ADGRF5: variants seen among roughly 807,000 people sequenced by gnomAD.
ADGRF5 encodes the protein G-protein coupled receptor 116.
In ADGRF5, 75 loss-of-function variants were observed where a neutral mutation model predicts 132.3. The ratio of observed to expected loss-of-function variants is 0.57; its 90% confidence interval spans 0.47 to 0.69. ADGRF5 has a LOEUF of 0.69. Ranked by LOEUF, ADGRF5 falls within the 30% of genes least tolerant of loss-of-function variation. ADGRF5 has a pLI of 0.00. For synonymous variants in ADGRF5, 629 were observed against 597.6 expected (o/e 1.05, Z -0.77); for missense variants, 1,516 against 1,630.6 (o/e 0.93, Z 1.21).
At chr6:46,946,441 C>T (rs1258956844) in intron 1 of ADGRF5, among the ~76,000 whole-genome samples, 1 of 152,138 alleles carries the variant, frequency 6.6e-6, no homozygotes, top group Non-Finnish European at 1.5e-5. Context: ...GATGTGAAGA[C>T]GTGAATCGCC....
chr6:46,946,502 G>A (rs1240225236), intron 1 of ADGRF5, among the ~76,000 whole-genome samples: 2 of 152,150 alleles, frequency 1.3e-5, no homozygotes, highest in Non-Finnish European at 2.9e-5. Flanking sequence ...TGGAAGTGCA[G>A]CTGAGGAAAA....
rs1293656517 is a variant in ADGRF5 at position 46,941,413 on chromosome 6, AAAGAAAAGAAAAG to A, written c.-25+13308_-25+13320del. 6.3e-4 allele frequency among the ~76,000 whole-genome samples: 26 copies of A among 41,400 alleles called. No homozygotes were observed. In the East Asian group the frequency reaches 0.014, roughly 22 times the overall value. The allele number at this position is 41,400 out of a possible 152,430, so 27.2% of individuals were successfully genotyped here. On this transcript the variant is annotated intron_variant, in intron 1 of 20. Coordinates refer to the ADGRF5 transcript ENST00000265417. ...AAAGAAAAGAAAAGAAAAGAAAAGA[AAAGAAAAGAAAAG>A]AAAAGAAAAGAAAAGAAAAGAAAAG...
intron 11 of ADGRF5, among the ~76,000 whole-genome samples, chr6:46,870,263 A>C (rs220681): frequency 0.84 from 127,180 of 152,096 alleles, 54,970 homozygotes; most frequent in East Asian, 0.99. Flanking sequence ...ATTGATCCTC[A>C]TGCTTCAGCC....
intron 1 of ADGRF5, among the ~76,000 whole-genome samples, chr6:46,927,318 G>A (rs1256874680): frequency 6.8e-6 from 1 of 146,998 alleles, no homozygotes; most frequent in Non-Finnish European, 1.5e-5. Flanking sequence ...GTGGAGGGGG[G>A]TGGGCAGAGC....
At chr6:46,954,586 TCA>T in intron 1 of ADGRF5, 1 of 152,180 alleles carries the variant, frequency 6.6e-6, no homozygotes, top group East Asian at 1.9e-4. Context: ...TATTTGCCCC[TCA>T]CAGTCTTGTA....
intron 1 of ADGRF5, among the ~76,000 whole-genome samples, chr6:46,953,760 T>C (rs544026498): frequency 3.2e-4 from 47 of 144,854 alleles, no homozygotes; most frequent in African/African-American, 1.2e-3. Context: ...GAAGATAGAA[T>C]GGAGGGAGAC....
intron 4 of ADGRF5, 28 bp from the exon 5 acceptor site, chr6:46,884,299 G>C (rs1213538363): frequency 2.6e-6 from 4 of 1,525,124 alleles, no homozygotes; most frequent in Non-Finnish European, 9.0e-7. Flanking sequence ...AGCAAGGAGA[G>C]AGAAGGTGGA....
At chr6:46,905,357 A>G (rs1775229990) in intron 2 of ADGRF5, 1 of 152,228 alleles carries the variant, frequency 6.6e-6, no homozygotes, top group African/African-American at 2.4e-5. Context: ...AAAGAAATAA[A>G]GAAAAGACAA....
At chr6:46,950,282 T>C (rs1778449806) in intron 1 of ADGRF5, among the ~76,000 whole-genome samples, 1 of 152,170 alleles carries the variant, frequency 6.6e-6, no homozygotes, top group Admixed American at 6.5e-5. Context: ...TTCCACACAT[T>C]GAGCTGAAAT....
rs1771898391 is a variant in ADGRF5, at chr6:46,877,329, CTTTCT to C, written c.1240+868_1240+872del. On this transcript the variant is annotated intron_variant, in intron 10 of 20. Coordinates refer to ENST00000283296, the MANE Select transcript of ADGRF5 (RefSeq NM_001098518.2). The stretch of plus-strand genomic sequence containing the variant: ...TCTTTCCTTCCTTCCTTCCTTCTTT[CTTTCT>C]TTCTTTCTTTCTTTCTTTCTTTCTT... Among the ~76,000 whole-genome samples, 333 of 41,700 alleles carry C rather than the reference CTTTCT, an allele frequency of 8.0e-3. 5 individuals are homozygous for C. Among genetic ancestry groups the C allele is most frequent in the Middle Eastern group, 0.026 (3 of 114 alleles). The allele number at this position is 41,700 out of a possible 152,430, so 27.4% of individuals were successfully genotyped here.
chr6:46,888,441 T>A lies in ADGRF5; in HGVS notation c.222A>T (p.Ala74=). 1.2e-6 allele frequency: 2 copies of A among 1,612,242 alleles called. No individual in the cohort carries two copies. The highest frequency in any genetic ancestry group is 2.2e-5 in the South Asian group (2 of 91,048). ...AGGCTTTGATAGGATCCAGGAAGGA[T>A]GCATTTTCAAAACTGATCTCAATAT... is the stretch of plus-strand genomic sequence containing the variant. ...TVNIEISFEN[A]SFLDPIKAYL... The change falls in exon 4 of 21, where the codon GCA becomes GCT. Residue 74 remains alanine, a synonymous_variant. Coordinates refer to ENST00000283296, the MANE Select transcript of ADGRF5 (RefSeq NM_001098518.2).
At chr6:46,924,794 C>G (rs1777168337), upstream of ADGRF5, among the ~76,000 whole-genome samples, 1 of 152,228 alleles carries the variant, frequency 6.6e-6, no homozygotes, top group Non-Finnish European at 1.5e-5. Context: ...GATCAAAACC[C>G]TAAGAGTTAT....
chr6:46,898,317 G>C (rs1318884537), intron 3 of ADGRF5, among the ~76,000 whole-genome samples: 3 of 152,204 alleles, frequency 2.0e-5, no homozygotes, highest in Admixed American at 2.0e-4. Context: ...CTGGCCAGTA[G>C]TTTGATTTTA....
Position 46,869,335 on chromosome 6 carries a change from G to A in ADGRF5, c.1412-243C>T, listed in dbSNP as rs541957195. The A allele has an allele frequency of 1.5e-3, 1,503 of 985,202 alleles. 6 individuals carry two copies. Among genetic ancestry groups the A allele is most frequent in the South Asian group, 5.2e-3 (110 of 21,258 alleles). 61.0% of individuals were successfully genotyped at this position (985,202 alleles called of 1,614,324 possible). ...TTTCCATCACATGCCTTAGGACCTCGTGCACTTCACTTTTGTGGCTGGAAT... is the reference window on the plus strand; with the variant it reads ...TTTCCATCACATGCCTTAGGACCTCATGCACTTCACTTTTGTGGCTGGAAT... On this transcript the variant is annotated intron_variant, in intron 11 of 20. Transcript: ENST00000283296.
Position 46,869,073 on chromosome 6 carries a change from C to A in ADGRF5, c.1431G>T (p.Pro477=), listed in dbSNP as rs748771069. 1.4e-5 allele frequency: 22 copies of A among 1,613,548 alleles called. No homozygotes were observed. Among genetic ancestry groups the A allele is most frequent in the Non-Finnish European group, 1.9e-5 (22 of 1,179,812 alleles). The part of the protein sequence containing the change: ...FISVANLTIT[P]DPISVSEGQN... ...GTCCCTCAGAAACAGAAATTGGGTC[C>A]GGGGTTATTGTTAGATTGGCTGAAA... The change falls in exon 12 of 21, where the codon CCG becomes CCT. Residue 477 remains proline, a synonymous_variant. Coordinates refer to ENST00000283296, the MANE Select transcript of ADGRF5 (RefSeq NM_001098518.2).
chr6:46,919,942 G>A (rs1459105958), intron 1 of ADGRF5, among the ~76,000 whole-genome samples: 1 of 152,144 alleles, frequency 6.6e-6, no homozygotes, highest in Admixed American at 6.5e-5. Context: ...TTATTTGCTT[G>A]TCTCTTAACA....
intron 12 of ADGRF5, 124 bp downstream of exon 12, chr6:46,868,759 A>G (rs1770736331): frequency 1.5e-6 from 1 of 653,332 alleles, no homozygotes; most frequent in East Asian, 2.5e-5. Flanking sequence ...AAGTGTGAAG[A>G]CATATTGAAT....
At position 46,881,976 on chromosome 6, in the gene ADGRF5, G is replaced by C. The variant is rs1337139211; in HGVS notation, c.671+73C>G. 6 of 1,104,692 alleles carry C rather than the reference G, an allele frequency of 5.4e-6. No homozygotes were observed. The African/African-American group carries it at 9.2e-5, about 17-fold the overall frequency. The allele number at this position is 1,104,692 out of a possible 1,614,324, so 68.4% of individuals were successfully genotyped here. ...ATTCCACATGAATAATGCCTCTCTAGGGGGTTTACCTCCTTCACTACCATA... is the reference window on the plus strand; with the variant it reads ...ATTCCACATGAATAATGCCTCTCTACGGGGTTTACCTCCTTCACTACCATA... On this transcript the variant is annotated intron_variant, in intron 7 of 20. Coordinates refer to ENST00000283296, the MANE Select transcript of ADGRF5 (RefSeq NM_001098518.2).
intron 1 of ADGRF5, among the ~76,000 whole-genome samples, chr6:46,934,219 T>C (rs1406185157): frequency 6.6e-6 from 1 of 152,050 alleles, no homozygotes; most frequent in African/African-American, 2.4e-5. Context: ...TACACACACA[T>C]GCATGCACAC....
Sources: gnomAD v4.1 joint callset for allele counts (sites outside exome capture counted in the v4.1 genomes callset) on GRCh38, gnomAD v4.1.1 for gene constraint, MANE v1.5 for transcripts, NCBI Gene and HGNC (gene_info 2026-07-23, HGNC 2026-07-21) for gene names.